SATB2: variants seen among roughly 807,000 people sequenced by gnomAD.
SATB2 encodes DNA-binding protein SATB2.
In SATB2, 1 loss-of-function variant was observed where a neutral mutation model predicts 73.4. The ratio of observed to expected loss-of-function variants is 0.01; its 90% CI spans 0.00 to 0.06. SATB2 has a LOEUF of 0.06. Among genes scored for constraint, SATB2 ranks in the 10% least tolerant of loss-of-function variants. SATB2 has a pLI of 1.00. For missense variants in SATB2, 459 were observed against 945.8 expected (o/e 0.49, Z 6.75); for synonymous variants, 397 against 367.0 (o/e 1.08, Z -0.93).
intron 3 of SATB2, among the ~76,000 whole-genome samples, chr2:199,383,692 A>G (rs2105870346): frequency 6.6e-6 from 1 of 152,324 alleles, no homozygotes; most frequent in East Asian, 1.9e-4. Context: ...ATATAAAAAA[A>G]AGGACCCTAC....
chr2:199,303,243 T>C (rs1250557374), intron 10 of SATB2, among the ~76,000 whole-genome samples: 1 of 152,120 alleles, frequency 6.6e-6, no homozygotes, highest in Non-Finnish European at 1.5e-5. Context: ...AAAGTATTAA[T>C]AGATAAAAAC....
intron 10 of SATB2, among the ~76,000 whole-genome samples, chr2:199,290,127 C>T (rs1246651332): frequency 6.6e-6 from 1 of 152,206 alleles, no homozygotes; most frequent in Non-Finnish European, 1.5e-5. Flanking sequence ...CACTGGAGCC[C>T]CCAGACTCAT....
At chr2:199,406,453 G>A (rs976050739) in intron 3 of SATB2, among the ~76,000 whole-genome samples, 1 of 152,076 alleles carries the variant, frequency 6.6e-6, no homozygotes, top group Non-Finnish European at 1.5e-5. Flanking sequence ...CTAACTTTGT[G>A]AGAAAGCCCA....
intron 3 of SATB2, among the ~76,000 whole-genome samples, chr2:199,407,364 T>C (rs933476471): frequency 1.3e-5 from 2 of 151,062 alleles, no homozygotes; most frequent in Admixed American, 6.6e-5. Context: ...TGAGGTCAGA[T>C]GCCCTAATAA....
chr2:199,384,893 A>C (rs1689882712), intron 3 of SATB2, among the ~76,000 whole-genome samples: 1 of 152,218 alleles, frequency 6.6e-6, no homozygotes, highest in Admixed American at 6.5e-5. Flanking sequence ...TGTGTCTTAA[A>C]GAGAAGATAT....
At chr2:199,362,106 C>T (rs1689154841) in intron 6 of SATB2, among the ~76,000 whole-genome samples, 1 of 152,062 alleles carries the variant, frequency 6.6e-6, no homozygotes, top group Admixed American at 6.6e-5. Context: ...CTACCTTTGC[C>T]TTTTCACTGA....
chr2:199,396,153 T>A (rs1478060446), intron 3 of SATB2: 6 of 152,250 alleles, frequency 3.9e-5, no homozygotes, highest in Admixed American at 3.9e-4. Context: ...TAGGGCCCAA[T>A]TTGTCTTTTT....
At chr2:199,276,880 T>C (rs1033360004) in intron 10 of SATB2, among the ~76,000 whole-genome samples, 1 of 152,176 alleles carries the variant, frequency 6.6e-6, no homozygotes, top group African/African-American at 2.4e-5. Flanking sequence ...CTAAAACGCA[T>C]GCTCATAGCA....
chr2:199,453,745 C>T (rs549975332), intron 2 of SATB2, among the ~76,000 whole-genome samples: 2 of 152,074 alleles, frequency 1.3e-5, no homozygotes, highest in African/African-American at 4.8e-5. Context: ...TTTGTACTAT[C>T]AAAATCTTAT....
chr2:199,378,386 AT>A (rs1165855327), intron 5 of SATB2, among the ~76,000 whole-genome samples: 1 of 152,242 alleles, frequency 6.6e-6, no homozygotes, highest in East Asian at 1.9e-4. Context: ...GGGAAAAATT[AT>A]TGACAGCTTT....
chr2:199,290,947 G>C (rs561436474), intron 10 of SATB2, among the ~76,000 whole-genome samples: 8 of 152,204 alleles, frequency 5.3e-5, no homozygotes, highest in African/African-American at 1.9e-4. Flanking sequence ...AAACAATGCA[G>C]AATTTATAAA....
chr2:199,378,925 C>G (rs1284898150), intron 5 of SATB2, among the ~76,000 whole-genome samples: 1 of 152,204 alleles, frequency 6.6e-6, no homozygotes, highest in Non-Finnish European at 1.5e-5. Context: ...GATACATGCT[C>G]TTACCCAATA....
At chr2:199,388,762 G>A (rs371814354) in intron 3 of SATB2, among the ~76,000 whole-genome samples, 10 of 152,132 alleles carry the variant, frequency 6.6e-5, no homozygotes, top group African/African-American at 2.2e-4. Flanking sequence ...ACAAAAGAGT[G>A]TCAATAAAAA....
At chr2:199,445,857 C>G (rs1691948105) in intron 2 of SATB2, among the ~76,000 whole-genome samples, 1 of 152,146 alleles carries the variant, frequency 6.6e-6, no homozygotes, top group Non-Finnish European at 1.5e-5. Flanking sequence ...ATGCTTCTCT[C>G]CTGACAGGCA....
chr2:199,359,462 T>C (rs544238930), intron 6 of SATB2, among the ~76,000 whole-genome samples: 27 of 152,316 alleles, frequency 1.8e-4, no homozygotes, highest in Middle Eastern at 3.4e-3. Flanking sequence ...CTAAGGACAT[T>C]TGCAACATGA....
chr2:199,294,706 CA>C (rs1692973445), intron 10 of SATB2, among the ~76,000 whole-genome samples: 1 of 152,132 alleles, frequency 6.6e-6, no homozygotes, highest in Non-Finnish European at 1.5e-5. Context: ...GTCAAAAAAA[CA>C]TGAAATGCAA....
intron 3 of SATB2, among the ~76,000 whole-genome samples, chr2:199,400,588 A>T: frequency 6.6e-6 from 1 of 152,204 alleles, no homozygotes; most frequent in African/African-American, 2.4e-5. Context: ...ATTTGCACTT[A>T]CGTAATAATG....
intron 2 of SATB2, among the ~76,000 whole-genome samples, chr2:199,441,281 G>A (rs1691809667): frequency 6.6e-6 from 1 of 151,936 alleles, no homozygotes; most frequent in Non-Finnish European, 1.5e-5. Flanking sequence ...TTGAATAAGA[G>A]TAAGAAATTA....
intron 7 of SATB2, among the ~76,000 whole-genome samples, chr2:199,342,761 T>C (rs559713106): frequency 4.9e-4 from 74 of 152,334 alleles, no homozygotes; most frequent in Non-Finnish European, 7.2e-4. Context: ...CTCCAGCAGA[T>C]GCCATGACCT....
Sources: gnomAD v4.1 joint callset for allele counts (sites outside exome capture counted in the v4.1 genomes callset) on GRCh38, gnomAD v4.1.1 for gene constraint, MANE v1.5 for transcripts, NCBI Gene and HGNC (gene_info 2026-07-23, HGNC 2026-07-21) for gene names.